Variants in RXRA observed in about 807,000 individuals in gnomAD.
RXRA encodes retinoid X receptor alpha.
Under a neutral mutation model 44.5 loss-of-function variants are expected in RXRA, and 5 were observed. That is an observed-to-expected ratio of 0.11 (90% CI 0.06 to 0.24). The LOEUF (loss-of-function observed/expected upper bound fraction) is 0.24, where lower values mean the gene tolerates loss of function less well. Among genes scored for constraint, RXRA ranks in the 10% least tolerant of loss-of-function variants. The pLI is 1.00. For missense variants in RXRA, 412 were observed against 646.5 expected, an observed-to-expected ratio of 0.64 and a Z score of 3.93; for synonymous variants, 291 against 271.4, an observed-to-expected ratio of 1.07 and a Z score of -0.71.
intron 1 of RXRA, among the ~76,000 whole-genome samples, chr9:134,373,762 T>C (rs1830518677): frequency 6.6e-6 from 1 of 152,262 alleles, no homozygotes; most frequent in African/African-American, 2.4e-5. Flanking sequence ...ATAGCCAGGT[T>C]CCTGGAAAAG....
chr9:134,387,812 C>T (rs1412171983), intron 1 of RXRA, among the ~76,000 whole-genome samples: 4 of 152,228 alleles, frequency 2.6e-5, no homozygotes, highest in East Asian at 3.9e-4. Context: ...CTCAGCTTCT[C>T]CCCTTTTCCC....
chr9:134,390,905 T>C (rs1830790237), intron 1 of RXRA, among the ~76,000 whole-genome samples: 1 of 152,134 alleles, frequency 6.6e-6, no homozygotes, highest in Non-Finnish European at 1.5e-5. Flanking sequence ...CCTGGGCTTA[T>C]GGCACGGGTG....
chr9:134,423,657 C>T (rs1272238824), intron 6 of RXRA: 1 of 985,380 alleles, frequency 1.0e-6, no homozygotes, highest in African/African-American at 1.7e-5. Context: ...CCTTGCCCCT[C>T]TGGGCCTGAG....
chr9:134,422,696 G>T (rs1294787269), intron 6 of RXRA: 8 of 985,422 alleles, frequency 8.1e-6, no homozygotes, highest in Non-Finnish European at 9.6e-6. Flanking sequence ...CCCCGTCCTG[G>T]GACCTCCTAT....
intron 9 of RXRA, among the ~76,000 whole-genome samples, chr9:134,434,920 C>T (rs1483305466): frequency 1.2e-4 from 18 of 152,128 alleles, no homozygotes; most frequent in Non-Finnish European, 2.5e-4. Context: ...CAGGCCTTCC[C>T]GCCACCAGCA....
intron 6 of RXRA, chr9:134,425,546 T>C: frequency 7.3e-5 from 13 of 179,210 alleles, no homozygotes; most frequent in Non-Finnish European, 8.3e-5. Flanking sequence ...GGCGGCAGGG[T>C]GGGGGGTGGG....
chr9:134,422,939 C>T lies in RXRA; in HGVS notation c.910+1134C>T, dbSNP rs575287153. ...CCAAGGCCGCAGCTCTCTTTCCATG[C>T]GGTAATGGTGGTGCACAGAGCCACT... On this transcript the variant is annotated intron_variant, in intron 6 of 9. Transcript: ENST00000481739. 1.6e-5 allele frequency: 16 copies of T among 985,366 alleles called. No individual in the cohort carries two copies. In the South Asian group the frequency reaches 2.8e-4, roughly 17 times the overall value. 61.0% of individuals were successfully genotyped at this position (985,366 alleles called of 1,614,324 possible).
intron 1 of RXRA, among the ~76,000 whole-genome samples, chr9:134,396,213 G>A (rs1361464948): frequency 3.3e-5 from 5 of 152,164 alleles, no homozygotes; most frequent in Admixed American, 1.3e-4. Flanking sequence ...CACCATGGCC[G>A]GCATCTCCTG....
rs1169258415 is a variant in RXRA at position 134,343,218 on chromosome 9, T to C, written c.28+16559T>C. Among the ~76,000 whole-genome samples, 1 of 152,148 alleles carries C rather than the reference T, an allele frequency of 6.6e-6. No homozygotes were observed. The highest frequency in any genetic ancestry group is 1.5e-5 in the Non-Finnish European group (1 of 68,022). On this transcript the variant is annotated intron_variant, in intron 1 of 9. Transcript: ENST00000481739. This position sits in a 1 kb window ranked among gnomAD's most constrained non-coding sequence, Gnocchi z 4.1. ...CGTGTCTCTCTCTCTGAGTGTCGACTTTCTCATCTGTGACGTGGGGTGAGG... is the reference window on the plus strand; with the variant it reads ...CGTGTCTCTCTCTCTGAGTGTCGACCTTCTCATCTGTGACGTGGGGTGAGG...
chr9:134,351,184 G>T (rs1830217133), intron 1 of RXRA, among the ~76,000 whole-genome samples: 1 of 152,226 alleles, frequency 6.6e-6, no homozygotes. Flanking sequence ...GCCAGGCTTG[G>T]AGCCCGCAGA....
chr9:134,406,967 C>T (rs1588292347), intron 2 of RXRA, among the ~76,000 whole-genome samples: 1 of 152,318 alleles, frequency 6.6e-6, no homozygotes. Flanking sequence ...AGTGGCCACC[C>T]GCTTCTCCAG....
intron 2 of RXRA, chr9:134,402,142 C>A (rs1341099802): frequency 1.9e-6 from 1 of 535,050 alleles, no homozygotes; most frequent in East Asian, 3.2e-5. Flanking sequence ...GGCCCCTTCC[C>A]ATGCCGGAGG....
chr9:134,364,282 C>G (rs905957587), intron 1 of RXRA, among the ~76,000 whole-genome samples: 1 of 152,228 alleles, frequency 6.6e-6, no homozygotes, highest in Non-Finnish European at 1.5e-5. Context: ...GGAGGGAGGT[C>G]TGGCAAACGC....
intron 1 of RXRA, among the ~76,000 whole-genome samples, chr9:134,398,040 C>G (rs1237322734): frequency 3.9e-5 from 6 of 151,998 alleles, no homozygotes; most frequent in Admixed American, 6.6e-5. Flanking sequence ...AGTGCGATGG[C>G]GCGATCTCTG....
At chr9:134,359,495 A>G (rs938856370) in intron 1 of RXRA, among the ~76,000 whole-genome samples, 9 of 152,038 alleles carry the variant, frequency 5.9e-5, no homozygotes, top group African/African-American at 1.7e-4. Context: ...GTGAACATCA[A>G]TTCCATAAGT....
rs1715788301 is a variant in RXRA at position 134,439,814 on chromosome 9, T to C, written c.*3200T>C. The stretch of plus-strand genomic sequence containing the variant: ...AAAGGCGGAGCGGTTACCAGTGTTT[T>C]GTGTTTATTTTTAATCAAGACGTTT... On this transcript the variant is annotated 3_prime_UTR_variant, in exon 10 of 10. Coordinates refer to ENST00000481739, the MANE Select transcript of RXRA (RefSeq NM_002957.6). The C allele has an allele frequency of 6.6e-6, 1 of 152,278 alleles. No individual in the cohort carries two copies. Among genetic ancestry groups the C allele is most frequent in the African/African-American group, 2.4e-5 (1 of 41,446 alleles). 9.4% of individuals were successfully genotyped at this position (152,278 alleles called of 1,614,324 possible).
Position 134,426,931 on chromosome 9 carries a change from A to G in RXRA, c.911-2177A>G, listed in dbSNP as rs1453529403. 2 of 985,140 alleles carry G rather than the reference A, an allele frequency of 2.0e-6. No individual in the cohort carries two copies. The highest frequency in any genetic ancestry group is 2.4e-6 in the Non-Finnish European group (2 of 829,882). 61.0% of individuals were successfully genotyped at this position (985,140 alleles called of 1,614,324 possible). A position where few individuals can be genotyped will look rare whatever the true frequency, so the allele number is the denominator to read the frequency against. On this transcript the variant is annotated intron_variant, in intron 6 of 9. Transcript: ENST00000481739. This position sits in a 1 kb window ranked among gnomAD's most constrained non-coding sequence, Gnocchi z 4.6. ...AGGGAGAGCCCTTTCCTAGGAGAGC[A>G]TTTGCTCTCACTGGATGTCAGACCC... is the stretch of plus-strand genomic sequence containing the variant.
At chr9:134,396,383 C>A (rs1830879507) in intron 1 of RXRA, among the ~76,000 whole-genome samples, 1 of 152,122 alleles carries the variant, frequency 6.6e-6, no homozygotes, top group South Asian at 2.1e-4. Context: ...CCTGTCCCCG[C>A]CAGCGCTGCC....
At chr9:134,371,813 G>A (rs969933622) in intron 1 of RXRA, among the ~76,000 whole-genome samples, 3 of 152,228 alleles carry the variant, frequency 2.0e-5, no homozygotes, top group African/African-American at 4.8e-5. Context: ...GTGCAGGGCC[G>A]GGCCTGTCTC....
Sources: allele counts gnomAD v4.1 joint callset (sites outside exome capture counted in the v4.1 genomes callset), GRCh38; gene constraint gnomAD v4.1.1; non-coding constraint Gnocchi (gnomAD v3.1); transcripts MANE v1.5; gene names NCBI Gene and HGNC (gene_info 2026-07-23, HGNC 2026-07-21).